Variants in PCDH17 observed in about 807,000 individuals in gnomAD.
The protein encoded by PCDH17 is protocadherin 17, also known as protocadherin-17.
PCDH17 carries 21 observed loss-of-function variants against 67.7 expected under a neutral mutation model. The observed-to-expected ratio is 0.31, with a 90% CI of 0.22 to 0.45. The LOEUF is 0.45. PCDH17 is among the 20% of genes least tolerant of loss of function. PCDH17 has a pLI of 1.00. For missense variants in PCDH17, 1,471 were observed against 1,564.8 expected, an observed-to-expected ratio of 0.94 and a Z score of 1.01; for synonymous variants, 701 against 656.7, an observed-to-expected ratio of 1.07 and a Z score of -1.03.
At chr13:57,705,187 A>G (rs1955710268) in intron 3 of PCDH17, among the ~76,000 whole-genome samples, 1 of 151,978 alleles carries the variant, frequency 6.6e-6, no homozygotes, top group Non-Finnish European at 1.5e-5. Flanking sequence ...CTTTGCTAAT[A>G]ACCCATATTG....
At chr13:57,680,357 G>A (rs1364545269) in intron 3 of PCDH17, among the ~76,000 whole-genome samples, 1 of 151,580 alleles carries the variant, frequency 6.6e-6, no homozygotes, top group Non-Finnish European at 1.5e-5. Flanking sequence ...CAAAGAAGTG[G>A]AGATGTAGCA....
At chr13:57,699,652 G>T in intron 3 of PCDH17, among the ~76,000 whole-genome samples, 1 of 150,942 alleles carries the variant, frequency 6.6e-6, no homozygotes, top group South Asian at 2.1e-4. Context: ...AAAGTTTTTT[G>T]ATTAGCTTAA....
chr13:57,670,811 T>A (rs534809900), intron 3 of PCDH17, among the ~76,000 whole-genome samples: 11 of 151,880 alleles, frequency 7.2e-5, no homozygotes, highest in Non-Finnish European at 1.3e-4. Context: ...TTTTTCTATT[T>A]GTTCCGTTCC....
chr13:57,655,180 T>A (rs1176196598), intron 1 of PCDH17, among the ~76,000 whole-genome samples: 2 of 143,406 alleles, frequency 1.4e-5, no homozygotes, highest in Non-Finnish European at 3.0e-5. Context: ...TTTTTTCTAT[T>A]AGGAGTTAAA....
At chr13:57,697,744 A>G (rs1241104046) in intron 3 of PCDH17, among the ~76,000 whole-genome samples, 1 of 151,634 alleles carries the variant, frequency 6.6e-6, no homozygotes, top group Non-Finnish European at 1.5e-5. Context: ...TATCTTTAAT[A>G]TATTCATCCT....
At chr13:57,672,763 T>C (rs1955337848) in intron 3 of PCDH17, among the ~76,000 whole-genome samples, 1 of 152,000 alleles carries the variant, frequency 6.6e-6, no homozygotes, top group African/African-American at 2.4e-5. Flanking sequence ...GTTCTGACTC[T>C]TCCAATTAAG....
In PCDH17 at chr13:57,721,547, T is replaced by A. The variant is rs371066051; in HGVS notation, c.2798-3065T>A. Among the ~76,000 whole-genome samples, 4 of 152,302 alleles carry A rather than the reference T, an allele frequency of 2.6e-5. No individual in the cohort carries two copies. In the East Asian group the frequency reaches 7.7e-4, roughly 29 times the overall value. On this transcript the variant is annotated intron_variant, in intron 3 of 3. Coordinates refer to ENST00000377918, the MANE Select transcript of PCDH17 (RefSeq NM_001040429.3). ...CTTAAGTAAATACTCTTCAATGTTA[T>A]TTTTTATTATACACACTTAACTTAT... is the stretch of plus-strand genomic sequence containing the variant.
intron 1 of PCDH17, among the ~76,000 whole-genome samples, chr13:57,665,234 AATG>A (rs1955235823): frequency 7.2e-6 from 1 of 139,244 alleles, no homozygotes; most frequent in South Asian, 2.5e-4. Flanking sequence ...ATCATTCTTT[AATG>A]ATATCAAATA....
intron 3 of PCDH17, among the ~76,000 whole-genome samples, chr13:57,677,592 T>A (rs1206520963): frequency 6.6e-6 from 1 of 151,600 alleles, no homozygotes; most frequent in African/African-American, 2.4e-5. Flanking sequence ...CCATAGTCAG[T>A]AAGGAAGGAG....
chr13:57,647,942 T>A (rs972988519), intron 1 of PCDH17, among the ~76,000 whole-genome samples: 6 of 151,916 alleles, frequency 3.9e-5, no homozygotes, highest in Non-Finnish European at 5.9e-5. Context: ...AATGTATCAG[T>A]TCATCATATA....
chr13:57,678,589 T>C (rs1955417437), intron 3 of PCDH17, among the ~76,000 whole-genome samples: 1 of 151,590 alleles, frequency 6.6e-6, no homozygotes, highest in Admixed American at 6.6e-5. Flanking sequence ...TTCTATAAAG[T>C]GCAGGGTAAA....
chr13:57,646,964 G>A (rs1403907167), intron 1 of PCDH17, among the ~76,000 whole-genome samples: 1 of 151,856 alleles, frequency 6.6e-6, no homozygotes, highest in East Asian at 1.9e-4. Context: ...GAAGCCCTGT[G>A]TGCCAGGAAC....
upstream of PCDH17, among the ~76,000 whole-genome samples, chr13:57,631,204 G>T (rs1954714312): frequency 6.6e-6 from 1 of 152,092 alleles, no homozygotes; most frequent in Non-Finnish European, 1.5e-5. Flanking sequence ...CCTCGCCAAG[G>T]TTTTCTTTTC....
intron 3 of PCDH17, among the ~76,000 whole-genome samples, chr13:57,720,210 A>G (rs1245791105): frequency 6.6e-6 from 1 of 151,862 alleles, no homozygotes; most frequent in African/African-American, 2.4e-5. Flanking sequence ...AGGTTAAAAA[A>G]GAGAGAGAGA....
intron 1 of PCDH17, among the ~76,000 whole-genome samples, chr13:57,639,895 C>T (rs888763901): frequency 4.0e-5 from 6 of 151,896 alleles, no homozygotes; most frequent in Non-Finnish European, 7.4e-5. Flanking sequence ...ACATTACCAC[C>T]TTTGACTATA....
chr13:57,663,601 A>G lies in PCDH17; in HGVS notation c.2566-2867A>G, dbSNP rs551483629. On this transcript the variant is annotated intron_variant, in intron 1 of 3. Coordinates refer to ENST00000377918, the MANE Select transcript of PCDH17 (RefSeq NM_001040429.3). ...ATAATGAAAATGTAGTCAATTAGTTATATGTTTGTTAAAGGCCAAATGGCT... is the reference window on the plus strand; with the variant it reads ...ATAATGAAAATGTAGTCAATTAGTTGTATGTTTGTTAAAGGCCAAATGGCT... 4.6e-5 allele frequency among the ~76,000 whole-genome samples: 7 copies of G among 152,278 alleles called. No individual in the cohort carries two copies. The South Asian group carries it at 1.5e-3, about 32-fold the overall frequency.
chr13:57,697,792 A>G (rs763188942), intron 3 of PCDH17, among the ~76,000 whole-genome samples: 35 of 151,390 alleles, frequency 2.3e-4, no homozygotes, highest in Admixed American at 4.6e-4. Context: ...TTTTTAGGGT[A>G]CAAATGAAAG....
At chr13:57,713,725 G>GTGCATGCATGCACATGTACGCGTA (rs1955796140) in intron 3 of PCDH17, among the ~76,000 whole-genome samples, 1 of 151,520 alleles carries the variant, frequency 6.6e-6, no homozygotes, top group Non-Finnish European at 1.5e-5. Flanking sequence ...TTCTGTGTGT[G>GTGCATGCATGCACATGTACGCGTA]TGCATGCATG....
At chr13:57,659,418 A>G (rs1955156333) in intron 1 of PCDH17, among the ~76,000 whole-genome samples, 1 of 152,138 alleles carries the variant, frequency 6.6e-6, no homozygotes, top group Non-Finnish European at 1.5e-5. Context: ...CAAGTGTTGC[A>G]TTAAAATTTA....
Sources: allele counts gnomAD v4.1 joint callset (sites outside exome capture counted in the v4.1 genomes callset), GRCh38; gene constraint gnomAD v4.1.1; transcripts MANE v1.5; gene names NCBI Gene and HGNC (gene_info 2026-07-23, HGNC 2026-07-21).